Variants in PIGG observed in about 807,000 individuals in gnomAD.
PIGG encodes the protein phosphatidylinositol glycan anchor biosynthesis class G (EMM blood group).
In PIGG, 70 loss-of-function variants were observed where a neutral mutation model predicts 83.2. The ratio of observed to expected loss-of-function variants is 0.84; its 90% CI spans 0.69 to 1.03. The LOEUF (loss-of-function observed/expected upper bound fraction) is 1.03, where lower values mean the gene tolerates loss of function less well. Ranked by LOEUF, PIGG falls within the 50% of genes least tolerant of loss-of-function variation. The pLI, the probability that PIGG is intolerant of heterozygous loss-of-function variation, is 0.00. For synonymous variants in PIGG, 532 were observed against 519.5 expected (o/e 1.02, Z -0.33); for missense variants, 1,257 against 1,233.6 (o/e 1.02, Z -0.28).
Position 520,840 on chromosome 4 carries a change from A to G in PIGG, c.1115-216A>G, listed in dbSNP as rs10029104. On this transcript the variant is annotated intron_variant, in intron 6 of 12. Transcript: ENST00000453061. ...GCCAAGGACCAAGGCCTGCATCGCC[A>G]GAGGGCAGATGGATGCACATTGGCA... 0.19 allele frequency among the ~76,000 whole-genome samples: 29,237 copies of G among 152,210 alleles called. 3,614 individuals are homozygous for G. The highest frequency in any genetic ancestry group is 0.36 in the African/African-American group (14,811 of 41,510).
At chr4:503,845 T>TACACACACACACACACAC (rs56841358) in intron 2 of PIGG, among the ~76,000 whole-genome samples, 2 of 145,606 alleles carry the variant, frequency 1.4e-5, no homozygotes, top group African/African-American at 2.6e-5. Context: ...TGTGATTTTA[T>TACACACACACACACACAC]ACACACACAC....
At chr4:508,443 T>C (rs1038579611) in intron 4 of PIGG, among the ~76,000 whole-genome samples, 4 of 152,224 alleles carry the variant, frequency 2.6e-5, no homozygotes, top group African/African-American at 9.6e-5. Flanking sequence ...CTCTTGCCTT[T>C]TGCTGTGTGT....
Position 507,441 on chromosome 4 carries a change from T to A in PIGG, c.607T>A (p.Leu203Ile), listed in dbSNP as rs1720115913. 1 of 1,613,880 alleles carries A rather than the reference T, an allele frequency of 6.2e-7. No homozygotes were observed. The highest frequency in any genetic ancestry group is 1.3e-5 in the African/African-American group (1 of 75,034). ...TGTCACGAGGCATTTGGATAAAGTA[T>A]TAAAAAGAGGAGATTGGGACATATT... ...NNVTRHLDKV[L>I]KRGDWDILIL... Residue 203 changes from leucine (L) to isoleucine (I), a missense_variant, in exon 4 of 13, where the codon TTA becomes ATA. Leu to Ile is a conservative substitution (Grantham distance 5). Transcript: ENST00000453061.
chr4:538,058 CA>C lies in PIGG; in HGVS notation c.2736-1094del, dbSNP rs879690254. On this transcript the variant is annotated intron_variant, in intron 12 of 12. Coordinates refer to ENST00000453061, the MANE Select transcript of PIGG (RefSeq NM_001127178.3). ...TACAGGACATGCAGCGGGACCCACACACCCACACACACGTGCTGACAGGACC... is the reference window on the plus strand; with the variant it reads ...TACAGGACATGCAGCGGGACCCACACCCCACACACACGTGCTGACAGGACC... Among the ~76,000 whole-genome samples, 1,321 of 140,316 alleles carry C rather than the reference CA, an allele frequency of 9.4e-3. 22 individuals are homozygous for C. The highest frequency in any genetic ancestry group is 0.014 in the African/African-American group (519 of 36,512). The allele number at this position is 140,316 out of a possible 152,430, so 92.1% of individuals were successfully genotyped here.
At chr4:509,311 A>G (rs993653986) in intron 5 of PIGG, among the ~76,000 whole-genome samples, 3 of 152,204 alleles carry the variant, frequency 2.0e-5, no homozygotes, top group African/African-American at 4.8e-5. Context: ...AAAAGTTTGC[A>G]TTATTGTAAA....
At chr4:531,350 C>T (rs1043214805) in intron 11 of PIGG, 4 of 143,614 alleles carry the variant, frequency 2.8e-5, no homozygotes, top group Admixed American at 2.3e-4. Flanking sequence ...TCCCGGCAAC[C>T]TCAGGAGAGC....
chr4:523,497 CCTT>C lies in PIGG; in HGVS notation c.1657_1659del (p.Leu553del), dbSNP rs774246524. On this transcript the variant is annotated inframe_deletion, in exon 9 of 13. Transcript: ENST00000453061. ...CCAGCTCAAGGTGGTCAGAGCTAGA[CCTT>C]CTTATTCTGTTGGGGACGGCGGGCC... 10 of 1,613,880 alleles carry C rather than the reference CCTT, an allele frequency of 6.2e-6. No individual in the cohort carries two copies. Among genetic ancestry groups the C allele is most frequent in the Non-Finnish European group, 6.8e-6 (8 of 1,179,948 alleles).
At chr4:527,938 G>C in intron 10 of PIGG, 1 of 985,342 alleles carries the variant, frequency 1.0e-6, no homozygotes, top group Non-Finnish European at 1.2e-6. Context: ...TATAAGCAGA[G>C]GCAGGAGCCT....
Position 540,197 on chromosome 4 carries a change from G to A in PIGG, c.*828G>A, listed in dbSNP as rs1339443868. 6.6e-6 allele frequency: 1 copy of A among 152,166 alleles called. No individual in the cohort carries two copies. Among genetic ancestry groups the A allele is most frequent in the African/African-American group, 2.4e-5 (1 of 41,442 alleles). 9.4% of individuals were successfully genotyped at this position (152,166 alleles called of 1,614,324 possible). A position where few individuals can be genotyped will look rare whatever the true frequency, so the allele number is the denominator to read the frequency against. On this transcript the variant is annotated 3_prime_UTR_variant, in exon 13 of 13. Transcript: ENST00000453061. ...AAAAAATAAATGTTTAATGAGAAAA[G>A]TGATAATGTTTTACATTTTTACAAA... is the stretch of plus-strand genomic sequence containing the variant.
rs899780106 is a variant in PIGG at position 528,504 on chromosome 4, A to G, written c.2261+1274A>G. 1.0e-6 allele frequency: 1 copy of G among 985,134 alleles called. No homozygotes were observed. The highest frequency in any genetic ancestry group is 1.7e-5 in the African/African-American group (1 of 57,178). 61.0% of individuals were successfully genotyped at this position (985,134 alleles called of 1,614,324 possible). A position where few individuals can be genotyped will look rare whatever the true frequency, so the allele number is the denominator to read the frequency against. On this transcript the variant is annotated intron_variant, in intron 10 of 12. Coordinates refer to ENST00000453061, the MANE Select transcript of PIGG (RefSeq NM_001127178.3). This position sits in a 1 kb window ranked among gnomAD's most constrained non-coding sequence, Gnocchi z 4.8. ...AAGGGGTGGGAGTTAGGGTGACCTGAGGCCTGGCTGAGGCAGTGAGAGTGT... is the reference window on the plus strand; with the variant it reads ...AAGGGGTGGGAGTTAGGGTGACCTGGGGCCTGGCTGAGGCAGTGAGAGTGT...
rs189985633 is a variant in PIGG, at chr4:506,065, A to G, written c.570+138A>G. ...TATAGGGAGTACTATGGACAGGTGT[A>G]AAAATTATTCACTCACATAATCAGT... On this transcript the variant is annotated intron_variant, in intron 3 of 12. Coordinates refer to ENST00000453061, the MANE Select transcript of PIGG (RefSeq NM_001127178.3). The G allele has an allele frequency of 1.7e-4, 108 of 644,842 alleles. No homozygotes were observed. The African/African-American group carries it at 1.7e-3, about 10-fold the overall frequency. 39.9% of individuals were successfully genotyped at this position (644,842 alleles called of 1,614,324 possible). A position where few individuals can be genotyped will look rare whatever the true frequency, so the allele number is the denominator to read the frequency against.
Position 523,690 on chromosome 4 carries a change from G to A in PIGG, c.1846G>A (p.Asp616Asn). The A allele has an allele frequency of 6.2e-7, 1 of 1,614,236 alleles. No individual in the cohort carries two copies. Among genetic ancestry groups the A allele is most frequent in the Non-Finnish European group, 8.5e-7 (1 of 1,180,032 alleles). ...TGGCCTCTGTGTGGAACAAGGGCAT[G>A]ACGGGGCCACAGCAGCGTGGCAGGA... ...PCGLCVEQGH[D>N]GATAAWQDGP... The change falls in exon 9 of 13, where the codon GAC becomes AAC. Residue 616 changes from aspartate (D) to asparagine (N), a missense_variant. Coordinates refer to ENST00000453061, the MANE Select transcript of PIGG (RefSeq NM_001127178.3).
intron 12 of PIGG, chr4:536,972 A>G (rs1311226910): frequency 2.0e-5 from 3 of 152,264 alleles, no homozygotes; most frequent in Non-Finnish European, 4.4e-5. Flanking sequence ...GGCACTTTTC[A>G]TCTCTTACAC....
rs141536266 is a variant in PIGG, at chr4:507,636, G to A, written c.759+43G>A. The A allele has an allele frequency of 8.6e-5, 130 of 1,515,592 alleles. No homozygotes were observed. The African/African-American group carries it at 1.4e-3, about 16-fold the overall frequency. 93.9% of individuals were successfully genotyped at this position (1,515,592 alleles called of 1,614,324 possible). ...TCACTGTCTGCTGATGTGGTTTCAC[G>A]TGGATGTTCCCTAGAATAAATGCAA... is the stretch of plus-strand genomic sequence containing the variant. On this transcript the variant is annotated intron_variant, in intron 4 of 12. Transcript: ENST00000453061.
At chr4:513,221 G>C (rs555055566) in intron 5 of PIGG, among the ~76,000 whole-genome samples, 7 of 152,294 alleles carry the variant, frequency 4.6e-5, no homozygotes, top group African/African-American at 1.7e-4. Context: ...ACTTATGCTT[G>C]TTTTATTGAT....
At chr4:530,973 T>C (rs1224023031) in intron 11 of PIGG, 2 of 529,574 alleles carry the variant, frequency 3.8e-6, no homozygotes, top group Admixed American at 3.6e-5. Context: ...GCTGCTTTGC[T>C]GGGCCAGGCC....
At position 528,695 on chromosome 4, in the gene PIGG, G is replaced by A. The variant is rs908644449; in HGVS notation, c.2261+1465G>A. Reference sequence around the variant, plus strand: ...TGCGGGTGTGTGTTTAAGGTGCAGCGTATGAATAAATTCATTTCCTCACAG... The same window carrying A: ...TGCGGGTGTGTGTTTAAGGTGCAGCATATGAATAAATTCATTTCCTCACAG... On this transcript the variant is annotated intron_variant, in intron 10 of 12. Transcript: ENST00000453061. The surrounding 1 kb of genome is among the most constrained non-coding windows in gnomAD (Gnocchi z 4.8). 21 of 985,144 alleles carry A rather than the reference G, an allele frequency of 2.1e-5. No homozygotes were observed. The highest frequency in any genetic ancestry group is 1.1e-4 in the East Asian group (1 of 8,824). The allele number at this position is 985,144 out of a possible 1,614,324, so 61.0% of individuals were successfully genotyped here.
rs1488627787 is a variant in PIGG at position 499,770 on chromosome 4, C to G, written c.154+281C>G. 8 of 1,277,060 alleles carry G rather than the reference C, an allele frequency of 6.3e-6. No individual in the cohort carries two copies. In the South Asian group the frequency reaches 8.6e-5, roughly 14 times the overall value. 79.1% of individuals were successfully genotyped at this position (1,277,060 alleles called of 1,614,324 possible). A position where few individuals can be genotyped will look rare whatever the true frequency, so the allele number is the denominator to read the frequency against. On this transcript the variant is annotated intron_variant, in intron 1 of 12. Transcript: ENST00000453061. The stretch of plus-strand genomic sequence containing the variant: ...GGGATCCAGCCTCTCCACTTCTACT[C>G]GTCCAGAGCTCCCGCCCCTTTCCTG...
intron 10 of PIGG, 71 bp downstream of exon 10, chr4:527,301 G>A (rs1024407562): frequency 3.7e-5 from 55 of 1,467,684 alleles, no homozygotes; most frequent in East Asian, 4.9e-5. Flanking sequence ...CACGGGGCGC[G>A]TGGAACCACT....
Sources: allele counts gnomAD v4.1 joint callset (sites outside exome capture counted in the v4.1 genomes callset), GRCh38; gene constraint gnomAD v4.1.1; non-coding constraint Gnocchi (gnomAD v3.1); transcripts MANE v1.5; gene names NCBI Gene and HGNC (gene_info 2026-07-23, HGNC 2026-07-21).